The following EPHB1 variants were observed in gnomAD, a reference collection of about 807,000 sequenced individuals.
EPHB1 encodes the protein EPH receptor B1, also known as ephrin type-B receptor 1.
Under a neutral mutation model 94.4 loss-of-function variants are expected in EPHB1, and 30 were observed. That is an observed-to-expected ratio of 0.32 (90% CI 0.24 to 0.43). The LOEUF is 0.43. Among genes scored for constraint, EPHB1 ranks in the 20% least tolerant of loss-of-function variants. EPHB1 has a pLI of 1.00. For synonymous variants in EPHB1, 522 were observed against 489.1 expected, an observed-to-expected ratio of 1.07 and a Z score of -0.89; for missense variants, 1,055 against 1,308.3, an observed-to-expected ratio of 0.81 and a Z score of 2.99.
At chr3:135,115,827 C>T (rs755111317) in intron 4 of EPHB1, among the ~76,000 whole-genome samples, 1 of 152,174 alleles carries the variant, frequency 6.6e-6, no homozygotes, top group African/African-American at 2.4e-5. Context: ...GTGTTAGACA[C>T]ATGCACAGTG....
rs529742723 is a variant in EPHB1 at position 135,258,339 on chromosome 3, G to A, written c.2847-673G>A. 1.4e-3 allele frequency among the ~76,000 whole-genome samples: 220 copies of A among 152,322 alleles called. 1 individual carries two copies. The highest frequency in any genetic ancestry group is 5.1e-3 in the African/African-American group (213 of 41,574). On this transcript the variant is annotated intron_variant, in intron 15 of 15. Transcript: ENST00000398015. ...TGAGATAGTGTATGGCACGTGGGATGCATTCAAGCAGTGTTATGTATTATT... is the reference window on the plus strand; with the variant it reads ...TGAGATAGTGTATGGCACGTGGGATACATTCAAGCAGTGTTATGTATTATT...
At chr3:134,851,739 G>C (rs1396542811) in intron 1 of EPHB1, among the ~76,000 whole-genome samples, 1 of 152,204 alleles carries the variant, frequency 6.6e-6, no homozygotes, top group Non-Finnish European at 1.5e-5. Flanking sequence ...TCTTGTAAAA[G>C]AAGGTATAGC....
chr3:134,941,752 GACACACACACACACACACAC>G (rs3067391), intron 2 of EPHB1, among the ~76,000 whole-genome samples: 10 of 134,702 alleles, frequency 7.4e-5, no homozygotes, highest in African/African-American at 1.7e-4. Flanking sequence ...TATGCACACA[GACACACACACACACACACAC>G]ACACACACAC....
At chr3:134,963,998 A>G (rs1017670547) in intron 3 of EPHB1, among the ~76,000 whole-genome samples, 99 of 152,144 alleles carry the variant, frequency 6.5e-4, no homozygotes, top group African/African-American at 2.2e-3. Flanking sequence ...CCCAGCTCAC[A>G]TTCCCGTTCC....
intron 2 of EPHB1, among the ~76,000 whole-genome samples, chr3:134,935,888 A>G (rs923171577): frequency 2.6e-4 from 40 of 152,232 alleles, no homozygotes; most frequent in Non-Finnish European, 1.9e-4. Context: ...TGTGCCAGGC[A>G]TCAAGCTTTA....
chr3:135,212,744 T>G (rs1943060463), intron 12 of EPHB1, among the ~76,000 whole-genome samples: 1 of 152,240 alleles, frequency 6.6e-6, no homozygotes, highest in South Asian at 2.1e-4. Flanking sequence ...GAGCAGACTA[T>G]GGCTGCCCTT....
At chr3:134,919,398 G>C (rs1010981653) in intron 1 of EPHB1, among the ~76,000 whole-genome samples, 2 of 152,204 alleles carry the variant, frequency 1.3e-5, no homozygotes, top group Admixed American at 6.5e-5. Flanking sequence ...TAGAACACAG[G>C]CTGGTGCCCT....
At chr3:135,157,674 TC>T (rs1426318953) in intron 6 of EPHB1, among the ~76,000 whole-genome samples, 1 of 152,242 alleles carries the variant, frequency 6.6e-6, no homozygotes, top group Non-Finnish European at 1.5e-5. Context: ...TGTGGAATGC[TC>T]CTTCACTTAC....
In EPHB1 at chr3:135,249,587, C is replaced by A. The variant is rs115906433; in HGVS notation, c.2846+96C>A. The A allele has an allele frequency of 9.1e-3, 12,769 of 1,399,000 alleles. 85 individuals carry two copies. Among genetic ancestry groups the A allele is most frequent in the Non-Finnish European group, 0.011 (11,397 of 1,021,944 alleles). 86.7% of individuals were successfully genotyped at this position (1,399,000 alleles called of 1,614,324 possible). ...GTGTGAGTCCTATTTCTGGCCTCAT[C>A]CCTGGAGCTCCGTCTCTGTATAGAC... is the stretch of plus-strand genomic sequence containing the variant. On this transcript the variant is annotated intron_variant, in intron 15 of 15. Transcript: ENST00000398015.
chr3:135,016,762 T>C (rs59281038), intron 3 of EPHB1, among the ~76,000 whole-genome samples: 5,437 of 152,338 alleles, frequency 0.036, 326 homozygotes, highest in African/African-American at 0.12. Context: ...ATAGCTTTTT[T>C]TCCTTCTTTC....
chr3:134,831,079 C>T (rs1008020313), intron 1 of EPHB1, among the ~76,000 whole-genome samples: 4 of 152,194 alleles, frequency 2.6e-5, no homozygotes, highest in African/African-American at 7.2e-5. Context: ...GAGTGCTTCC[C>T]CTAAACCCTT....
In EPHB1 at chr3:134,916,733, G is replaced by A. The variant is rs1156570508; in HGVS notation, c.59-9083G>A. Among the ~76,000 whole-genome samples, 6 of 146,562 alleles carry A rather than the reference G, an allele frequency of 4.1e-5. No homozygotes were observed. The South Asian group carries it at 6.7e-4, about 16-fold the overall frequency. ...CTGCACACAGCCCCTGTTCCCACCC[G>A]TGCCTCTCCCTCCACACCTCCCGGC... On this transcript the variant is annotated intron_variant, in intron 1 of 15. Coordinates refer to ENST00000398015, the MANE Select transcript of EPHB1 (RefSeq NM_004441.5).
At chr3:135,227,055 A>G (rs1309320449) in intron 12 of EPHB1, among the ~76,000 whole-genome samples, 1 of 152,204 alleles carries the variant, frequency 6.6e-6, no homozygotes, top group East Asian at 1.9e-4. Flanking sequence ...TGAAAAATCC[A>G]CTATTCAGTA....
At chr3:135,042,485 G>GA (rs916668978) in intron 3 of EPHB1, among the ~76,000 whole-genome samples, 9 of 151,708 alleles carry the variant, frequency 5.9e-5, no homozygotes, top group Admixed American at 3.3e-4. Context: ...ATGAGTATAT[G>GA]AAAAAAAAAT....
intron 3 of EPHB1, among the ~76,000 whole-genome samples, chr3:135,007,083 C>T (rs62273105): frequency 0.015 from 2,225 of 152,232 alleles, 27 homozygotes; most frequent in Middle Eastern, 0.058. Context: ...AGGCTGGCTG[C>T]CTGGGATATG....
At chr3:135,142,977 T>G (rs1269132251) in intron 5 of EPHB1, among the ~76,000 whole-genome samples, 1 of 152,104 alleles carries the variant, frequency 6.6e-6, no homozygotes, top group African/African-American at 2.4e-5. Context: ...GGAGCAAGGA[T>G]GACACACCCC....
At chr3:135,015,665 A>G (rs1440246415) in intron 3 of EPHB1, among the ~76,000 whole-genome samples, 9 of 152,176 alleles carry the variant, frequency 5.9e-5, no homozygotes, top group African/African-American at 2.4e-5. Context: ...TCTGCTGACT[A>G]TGAAAAGGTG....
intron 1 of EPHB1, among the ~76,000 whole-genome samples, chr3:134,809,891 G>A (rs1490063195): frequency 6.6e-6 from 1 of 152,188 alleles, no homozygotes; most frequent in Non-Finnish European, 1.5e-5. Context: ...TGGACAGGCA[G>A]CGAATTAGGT....
Position 134,795,564 on chromosome 3 carries a change from C to T in EPHB1, c.-68C>T, listed in dbSNP as rs1047340481. ...CACCCGCGGAGAGCGCAGCGGCGCCCTGGGACGCGGCGCTCTCCCGGCGCT... is the reference window on the plus strand; with the variant it reads ...CACCCGCGGAGAGCGCAGCGGCGCCTTGGGACGCGGCGCTCTCCCGGCGCT... On this transcript the variant is annotated 5_prime_UTR_variant, in exon 1 of 16. Coordinates refer to ENST00000398015, the MANE Select transcript of EPHB1 (RefSeq NM_004441.5). The T allele has an allele frequency of 2.3e-5, 34 of 1,503,132 alleles. No individual in the cohort carries two copies. In the African/African-American group the frequency reaches 3.3e-4, roughly 15 times the overall value. The allele number at this position is 1,503,132 out of a possible 1,614,324, so 93.1% of individuals were successfully genotyped here.
Sources: allele counts gnomAD v4.1 joint callset (sites outside exome capture counted in the v4.1 genomes callset), GRCh38; gene constraint gnomAD v4.1.1; transcripts MANE v1.5; gene names NCBI Gene and HGNC (gene_info 2026-07-23, HGNC 2026-07-21).